Variants in STK32A observed in about 807,000 individuals in gnomAD.
STK32A encodes serine/threonine-protein kinase 32A.
In STK32A, 41 loss-of-function variants were observed where a neutral mutation model predicts 53.2. That is an observed-to-expected ratio of 0.77 (90% CI 0.60 to 1.00). The LOEUF is 1.00. Among genes scored for constraint, STK32A ranks in the 50% least tolerant of loss-of-function variants. STK32A has a pLI of 0.00. For missense variants in STK32A, 458 were observed against 485.8 expected, an observed-to-expected ratio of 0.94 and a Z score of 0.54; for synonymous variants, 166 against 162.8, an observed-to-expected ratio of 1.02 and a Z score of -0.15.
chr5:147,335,522 G>C (rs1755072191), intron 5 of STK32A, among the ~76,000 whole-genome samples: 1 of 152,006 alleles, frequency 6.6e-6, no homozygotes, highest in African/African-American at 2.4e-5. Context: ...CTGCTGCCCA[G>C]GGCTCCATGC....
chr5:147,367,986 C>CGTG, intron 8 of STK32A, among the ~76,000 whole-genome samples: 1 of 152,322 alleles, frequency 6.6e-6, no homozygotes, highest in Non-Finnish European at 1.5e-5. Flanking sequence ...TTCCTCCATA[C>CGTG]GTACAAATTT....
intron 2 of STK32A, among the ~76,000 whole-genome samples, chr5:147,240,768 A>G (rs1213108154): frequency 6.6e-6 from 1 of 152,196 alleles, no homozygotes; most frequent in Non-Finnish European, 1.5e-5. Flanking sequence ...TCATGTGACA[A>G]TCTAGGCATA....
chr5:147,286,851 G>A (rs1374141491), intron 4 of STK32A, among the ~76,000 whole-genome samples: 1 of 152,106 alleles, frequency 6.6e-6, no homozygotes, highest in Non-Finnish European at 1.5e-5. Context: ...TGCTGACTGG[G>A]AAGGAGTTCA....
chr5:147,372,376 T>C (rs937516340), intron 9 of STK32A, among the ~76,000 whole-genome samples: 2 of 150,458 alleles, frequency 1.3e-5, no homozygotes, highest in African/African-American at 4.9e-5. Context: ...TTGTGTCTCT[T>C]GTTTTTGGAG....
chr5:147,399,032 C>T, the STK32A span: 1 of 1,593,278 alleles, frequency 6.3e-7, no homozygotes, highest in East Asian at 2.2e-5. Flanking sequence ...TGACCAAGTT[C>T]CTTGCATGCA....
chr5:147,346,136 G>T (rs1481761845), intron 6 of STK32A, among the ~76,000 whole-genome samples: 2 of 152,138 alleles, frequency 1.3e-5, no homozygotes, highest in East Asian at 1.9e-4. Flanking sequence ...CCTCTCCCCA[G>T]CTCGTTATGT....
chr5:147,299,336 T>C (rs1045357125), intron 4 of STK32A, among the ~76,000 whole-genome samples: 3 of 152,110 alleles, frequency 2.0e-5, no homozygotes, highest in Admixed American at 1.3e-4. Flanking sequence ...TCATCTTGGT[T>C]TTGGCCGGCT....
chr5:147,398,684 C>A, the STK32A span, among the ~76,000 whole-genome samples: 1 of 152,230 alleles, frequency 6.6e-6, no homozygotes, highest in South Asian at 2.1e-4. Context: ...GATCATTGCA[C>A]GCCCTGACTT....
Position 147,383,461 on chromosome 5 carries a change from C to T in STK32A, c.1053C>T (p.His351=). The change falls in exon 12 of 13, where the codon CAC becomes CAT. Residue 351 remains histidine, a synonymous_variant. Transcript: ENST00000397936. ...DSSQTCLLQE[H]LDSVQKEFII... is the part of the protein sequence containing the mutation. The stretch of plus-strand genomic sequence containing the variant: ...GGAAGACATGTCTTCTTCAAGAGCA[C>T]CTTGACTCTGTCCAGAAGGAGTTCA... 6.3e-7 allele frequency: 1 copy of T among 1,598,634 alleles called. No homozygotes were observed. The highest frequency in any genetic ancestry group is 1.7e-4 in the Middle Eastern group (1 of 6,042).
chr5:147,335,289 T>C lies in STK32A; in HGVS notation c.435-7717T>C, dbSNP rs138602829. ...GTCTCAGAACGTTCTATTACCGACATGGTTTTGGTCCCAACAGAAAACCTC... is the reference window on the plus strand; with the variant it reads ...GTCTCAGAACGTTCTATTACCGACACGGTTTTGGTCCCAACAGAAAACCTC... On this transcript the variant is annotated intron_variant, in intron 5 of 12. Transcript: ENST00000397936. 4.9e-3 allele frequency among the ~76,000 whole-genome samples: 753 copies of C among 152,328 alleles called. 5 individuals carry two copies. The highest frequency in any genetic ancestry group is 0.017 in the African/African-American group (722 of 41,570).
chr5:147,364,518 C>T lies in STK32A; in HGVS notation c.660+2904C>T, dbSNP rs552755132. Among the ~76,000 whole-genome samples the T allele has an allele frequency of 6.6e-5, 10 of 152,264 alleles. No individual in the cohort carries two copies. The South Asian group carries it at 2.1e-3, about 32-fold the overall frequency. On this transcript the variant is annotated intron_variant, in intron 8 of 12. Transcript: ENST00000397936. ...TCCAGCAGCATTCCAATTCTCAATA[C>T]CAAAATTTTAGTCTGCAATATCTGC...
chr5:147,370,655 G>T lies in STK32A; in HGVS notation c.662G>T (p.Arg221Ile). 2 of 1,603,240 alleles carry T rather than the reference G, an allele frequency of 1.2e-6. No homozygotes were observed. Among genetic ancestry groups the T allele is most frequent in the South Asian group, 1.1e-5 (1 of 90,678 alleles). ...CTTTTACTTCTTTTCTCCCTTAAGA[G>T]ACCGTATCATATTCGCTCCAGTACT... ...VTAYELLRGR[R>I]PYHIRSSTSS... The change falls in exon 9 of 13, where the codon AGA (arginine) becomes ATA (isoleucine). Residue 221 changes from arginine to isoleucine, a missense_variant and splice_region_variant. By Grantham distance (97) the Arg-to-Ile change is moderately conservative (BLOSUM62 -3). Coordinates refer to ENST00000397936, the MANE Select transcript of STK32A (RefSeq NM_001112724.2).
At chr5:147,255,146 C>T (rs1426782481) in intron 2 of STK32A, among the ~76,000 whole-genome samples, 1 of 152,048 alleles carries the variant, frequency 6.6e-6, no homozygotes, top group Admixed American at 6.5e-5. Flanking sequence ...AAAAACAAAA[C>T]AAAAAAGTAG....
At chr5:147,239,296 T>A (rs1486317537) in intron 1 of STK32A, among the ~76,000 whole-genome samples, 1 of 152,242 alleles carries the variant, frequency 6.6e-6, no homozygotes, top group East Asian at 1.9e-4. Context: ...TTTAAACTTT[T>A]CTACATACTT....
chr5:147,309,645 G>A (rs1753591620), intron 4 of STK32A, among the ~76,000 whole-genome samples: 2 of 152,020 alleles, frequency 1.3e-5, no homozygotes, highest in South Asian at 4.2e-4. Flanking sequence ...AAATTCTTGG[G>A]GAAACTTAAA....
the STK32A span, among the ~76,000 whole-genome samples, chr5:147,399,633 G>A: frequency 6.6e-6 from 1 of 152,262 alleles, no homozygotes; most frequent in Non-Finnish European, 1.5e-5. Flanking sequence ...TATGTTGTAT[G>A]CATAGAATAA....
chr5:147,273,472 AG>A (rs1012775937), intron 2 of STK32A, among the ~76,000 whole-genome samples: 6 of 152,232 alleles, frequency 3.9e-5, no homozygotes, highest in African/African-American at 1.4e-4. Flanking sequence ...AGGCAGACTC[AG>A]GTGAGTTGAT....
At chr5:147,355,827 G>A (rs1457095700) in intron 7 of STK32A, among the ~76,000 whole-genome samples, 9 of 144,738 alleles carry the variant, frequency 6.2e-5, no homozygotes, top group Non-Finnish European at 1.2e-4. Flanking sequence ...AGTTCACTAT[G>A]GACTAGCAAG....
chr5:147,365,009 GTCA>G (rs1756682483), intron 8 of STK32A, among the ~76,000 whole-genome samples: 1 of 152,156 alleles, frequency 6.6e-6, no homozygotes, highest in Non-Finnish European at 1.5e-5. Context: ...GGTATCTCAA[GTCA>G]TCATCCAGAT....
Sources: allele counts gnomAD v4.1 joint callset (sites outside exome capture counted in the v4.1 genomes callset), GRCh38; gene constraint gnomAD v4.1.1; transcripts MANE v1.5; gene names NCBI Gene and HGNC (gene_info 2026-07-23, HGNC 2026-07-21).